KCNIP4: variants seen among roughly 807,000 people sequenced by gnomAD.
The protein encoded by KCNIP4 is Kv channel-interacting protein 4.
A neutral mutation model predicts 34.0 loss-of-function variants in KCNIP4; 12 were observed. The ratio of observed to expected loss-of-function variants is 0.35; its 90% CI spans 0.23 to 0.57. The LOEUF is 0.57. KCNIP4 is among the 20% of genes least tolerant of loss of function. The pLI, the probability that KCNIP4 is intolerant of heterozygous loss-of-function variation, is 0.83. For missense variants in KCNIP4, 238 were observed against 311.7 expected (o/e 0.76, Z 1.78); for synonymous variants, 124 against 102.2 (o/e 1.21, Z -1.29).
intron 1 of KCNIP4, among the ~76,000 whole-genome samples, chr4:21,687,024 A>G (rs542168687): frequency 6.7e-6 from 1 of 148,834 alleles, no homozygotes; most frequent in African/African-American, 2.5e-5. Context: ...TTGTAGGGAC[A>G]TGGATGAAAT....
chr4:21,809,972 G>T (rs1255705947), intron 1 of KCNIP4, among the ~76,000 whole-genome samples: 1 of 152,112 alleles, frequency 6.6e-6, no homozygotes, highest in Non-Finnish European at 1.5e-5. Context: ...CCTATGCTTA[G>T]AATGCATGTC....
intron 1 of KCNIP4, among the ~76,000 whole-genome samples, chr4:21,765,909 A>G (rs1300042803): frequency 1.3e-5 from 2 of 152,042 alleles, no homozygotes; most frequent in African/African-American, 4.8e-5. Flanking sequence ...CCCAAGAGCA[A>G]AGATACTTAG....
chr4:21,113,896 A>G (rs1249081088), intron 1 of KCNIP4, among the ~76,000 whole-genome samples: 1 of 152,226 alleles, frequency 6.6e-6, no homozygotes. Context: ...ACTCTAATAC[A>G]CCATAATTAG....
chr4:20,841,271 A>G (rs1719684186), intron 3 of KCNIP4, among the ~76,000 whole-genome samples: 1 of 152,182 alleles, frequency 6.6e-6, no homozygotes, highest in South Asian at 2.1e-4. Flanking sequence ...ACATATATTT[A>G]TTGATTACCT....
At chr4:21,029,269 G>C (rs1740805697) in intron 1 of KCNIP4, among the ~76,000 whole-genome samples, 1 of 152,022 alleles carries the variant, frequency 6.6e-6, no homozygotes, top group South Asian at 2.1e-4. Context: ...GCTGATCAGG[G>C]GCTCTGACTT....
intron 1 of KCNIP4, among the ~76,000 whole-genome samples, chr4:21,358,833 T>TTG (rs1560325628): frequency 1.3e-5 from 2 of 152,082 alleles, no homozygotes; most frequent in African/African-American, 4.8e-5. Flanking sequence ...ATGCAATAAT[T>TTG]TGTCTCTTAT....
In KCNIP4 at chr4:21,830,434, G is replaced by C. The variant is rs143692925; in HGVS notation, c.61+118137C>G. On this transcript the variant is annotated intron_variant, in intron 1 of 8. Transcript: ENST00000382152. ...TCATGCCTGCAATCCAAGCACTTTG[G>C]GAGGCCGAGGCGGGCTGGATCACTT... 8.1e-3 allele frequency among the ~76,000 whole-genome samples: 1,233 copies of C among 152,172 alleles called. 21 individuals are homozygous for C. Among genetic ancestry groups the C allele is most frequent in the African/African-American group, 0.028 (1,182 of 41,524 alleles).
chr4:21,244,176 G>A (rs572895199), intron 1 of KCNIP4, among the ~76,000 whole-genome samples: 45 of 152,248 alleles, frequency 3.0e-4, no homozygotes, highest in African/African-American at 9.9e-4. Context: ...GAGGGTACAC[G>A]TGAAATTTTG....
At chr4:20,906,937 C>T (rs1727830345) in intron 1 of KCNIP4, among the ~76,000 whole-genome samples, 1 of 152,190 alleles carries the variant, frequency 6.6e-6, no homozygotes, top group East Asian at 1.9e-4. Flanking sequence ...AGGTTTGGGG[C>T]ATTGAGTTAA....
intron 1 of KCNIP4, among the ~76,000 whole-genome samples, chr4:21,369,280 G>T (rs1334428926): frequency 6.8e-6 from 1 of 147,084 alleles, no homozygotes; most frequent in African/African-American, 2.7e-5. Context: ...TTTATGTCAG[G>T]TACCAAATTA....
intron 1 of KCNIP4, among the ~76,000 whole-genome samples, chr4:21,748,384 A>T (rs772826344): frequency 6.6e-6 from 1 of 152,074 alleles, no homozygotes; most frequent in Non-Finnish European, 1.5e-5. Context: ...AGGAAATGGT[A>T]TACCTAATAA....
intron 1 of KCNIP4, among the ~76,000 whole-genome samples, chr4:21,611,590 A>G (rs1382250907): frequency 6.6e-6 from 1 of 152,142 alleles, no homozygotes; most frequent in African/African-American, 2.4e-5. Context: ...AGACAAATAT[A>G]TAGCCACCAA....
chr4:20,842,329 G>A (rs968357488), intron 3 of KCNIP4, among the ~76,000 whole-genome samples: 2 of 152,054 alleles, frequency 1.3e-5, no homozygotes, highest in Non-Finnish European at 2.9e-5. Flanking sequence ...AAAAAGTCCA[G>A]GTCAAGGCCC....
intron 1 of KCNIP4, among the ~76,000 whole-genome samples, chr4:21,344,590 T>C (rs539683435): frequency 6.6e-6 from 1 of 152,158 alleles, no homozygotes; most frequent in Non-Finnish European, 1.5e-5. Flanking sequence ...GACAGATAGG[T>C]ATGATGCAAG....
At chr4:21,593,329 T>G (rs548358670) in intron 1 of KCNIP4, among the ~76,000 whole-genome samples, 21 of 152,212 alleles carry the variant, frequency 1.4e-4, no homozygotes, top group Non-Finnish European at 2.8e-4. Context: ...GAATTAAAAA[T>G]GTGATCCGTT....
intron 1 of KCNIP4, among the ~76,000 whole-genome samples, chr4:21,694,864 G>A (rs1184397694): frequency 7.3e-6 from 1 of 136,268 alleles, no homozygotes; most frequent in African/African-American, 2.7e-5. Flanking sequence ...GAATTAACTT[G>A]TTTTCAAATG....
chr4:20,945,609 G>A (rs1428178247), intron 1 of KCNIP4, among the ~76,000 whole-genome samples: 1 of 151,968 alleles, frequency 6.6e-6, no homozygotes, highest in Non-Finnish European at 1.5e-5. Flanking sequence ...GTGTGAGCAG[G>A]AGTTCTAGGT....
At chr4:20,969,726 T>A (rs890480822) in intron 1 of KCNIP4, among the ~76,000 whole-genome samples, 2 of 152,108 alleles carry the variant, frequency 1.3e-5, no homozygotes, top group Non-Finnish European at 2.9e-5. Flanking sequence ...AATTACTTAT[T>A]CTAAAATCAG....
At chr4:21,786,338 T>C (rs1719912289) in intron 1 of KCNIP4, among the ~76,000 whole-genome samples, 1 of 152,188 alleles carries the variant, frequency 6.6e-6, no homozygotes, top group South Asian at 2.1e-4. Flanking sequence ...CCAAGTGCTC[T>C]CCAAAGTGGC....
Sources: gnomAD v4.1 joint callset for allele counts (sites outside exome capture counted in the v4.1 genomes callset) on GRCh38, gnomAD v4.1.1 for gene constraint, MANE v1.5 for transcripts, NCBI Gene and HGNC (gene_info 2026-07-23, HGNC 2026-07-21) for gene names.